The following INVS variants were observed in gnomAD, a reference collection of about 807,000 sequenced individuals.
INVS encodes the protein inversin.
INVS carries 86 observed loss-of-function variants against 108.8 expected under a neutral mutation model. The observed-to-expected ratio is 0.79, with a 90% CI of 0.66 to 0.95. The LOEUF (loss-of-function observed/expected upper bound fraction) is 0.95, where lower values mean the gene tolerates loss of function less well. Among genes scored for constraint, INVS ranks in the 40% least tolerant of loss-of-function variants. The probability of loss-of-function intolerance (pLI) is 0.00; values close to 1 mark genes in which losing one functional copy is unlikely to be tolerated. For missense variants in INVS, 1,169 were observed against 1,297.4 expected, an observed-to-expected ratio of 0.90 and a Z score of 1.52; for synonymous variants, 455 against 473.5, an observed-to-expected ratio of 0.96 and a Z score of 0.51.
chr9:100,136,913 G>A (rs537366566), intron 3 of INVS, among the ~76,000 whole-genome samples: 14 of 152,182 alleles, frequency 9.2e-5, no homozygotes, highest in African/African-American at 2.4e-4. Context: ...AGTGACACAC[G>A]CCTGTAATCC....
chr9:100,118,225 T>C (rs189846225), intron 2 of INVS, among the ~76,000 whole-genome samples: 57 of 151,378 alleles, frequency 3.8e-4, no homozygotes, highest in Non-Finnish European at 3.8e-4. Context: ...GTTGTTGTTG[T>C]TGAGACAGAG....
In INVS at chr9:100,246,766, G is replaced by A. The variant is rs756414683; in HGVS notation, c.1057G>A (p.Ala353Thr). ...SLKSDIDINM[A>T]DKYGGTALHA... ...AAAATCGGACATAGATATTAACATG[G>A]CTGACAAATATGGAGGTACAGGTGA... is the stretch of plus-strand genomic sequence containing the variant. Residue 353 changes from alanine (A) to threonine (T), a missense_variant, in exon 8 of 17, where the codon GCT becomes ACT. Physicochemically the swap from Ala to Thr is moderately conservative, Grantham distance 58 (BLOSUM62 0). Coordinates refer to ENST00000262457, the MANE Select transcript of INVS (RefSeq NM_014425.5). 2 of 1,614,050 alleles carry A rather than the reference G, an allele frequency of 1.2e-6. No individual in the cohort carries two copies. Among genetic ancestry groups the A allele is most frequent in the South Asian group, 2.2e-5 (2 of 91,082 alleles).
intron 10 of INVS, among the ~76,000 whole-genome samples, chr9:100,254,239 C>G (rs1282117663): frequency 6.6e-6 from 1 of 152,136 alleles, no homozygotes; most frequent in Non-Finnish European, 1.5e-5. Context: ...TGTTCATGTC[C>G]TTCGCCCACT....
chr9:100,147,694 C>T (rs1588038678), intron 3 of INVS, among the ~76,000 whole-genome samples: 1 of 151,844 alleles, frequency 6.6e-6, no homozygotes, highest in Non-Finnish European at 1.5e-5. Context: ...TGGAAGCAAC[C>T]CAAATGCCCA....
At chr9:100,148,681 G>A (rs2118974238) in intron 3 of INVS, among the ~76,000 whole-genome samples, 1 of 152,292 alleles carries the variant, frequency 6.6e-6, no homozygotes, top group East Asian at 1.9e-4. Flanking sequence ...AAAATGAAAA[G>A]ATTTTAATTA....
At chr9:100,257,647 T>A (rs1254185477) in intron 10 of INVS, among the ~76,000 whole-genome samples, 1 of 152,242 alleles carries the variant, frequency 6.6e-6, no homozygotes, top group Non-Finnish European at 1.5e-5. Context: ...TAAAGGATTT[T>A]ATTTCTCCTT....
intron 3 of INVS, chr9:100,175,161 C>G: frequency 2.5e-6 from 1 of 401,754 alleles, no homozygotes; most frequent in South Asian, 2.7e-5. Flanking sequence ...TTTTTCCTCC[C>G]CTTTTTCAAT....
At chr9:100,100,982 T>A (rs1412962220) in intron 1 of INVS, among the ~76,000 whole-genome samples, 1 of 76,182 alleles carries the variant, frequency 1.3e-5, no homozygotes, top group Non-Finnish European at 2.2e-5. Flanking sequence ...ATTATATATA[T>A]AATATATATG....
At chr9:100,140,716 A>G (rs1421610905) in intron 3 of INVS, among the ~76,000 whole-genome samples, 2 of 152,092 alleles carry the variant, frequency 1.3e-5, no homozygotes, top group African/African-American at 4.8e-5. Flanking sequence ...CTTCGAGCGG[A>G]ATTAGGGGCG....
At chr9:100,190,356 A>T (rs1430526216) in intron 3 of INVS, among the ~76,000 whole-genome samples, 1 of 152,074 alleles carries the variant, frequency 6.6e-6, no homozygotes, top group African/African-American at 2.4e-5. Context: ...GATATAGACC[A>T]TTTACATTTA....
At chr9:100,266,479 G>A (rs1185525647) in intron 11 of INVS, among the ~76,000 whole-genome samples, 1 of 152,110 alleles carries the variant, frequency 6.6e-6, no homozygotes, top group Non-Finnish European at 1.5e-5. Flanking sequence ...TCCCAACTTT[G>A]CTATGGCATT....
At chr9:100,144,310 GA>G (rs1828533483) in intron 3 of INVS, among the ~76,000 whole-genome samples, 3 of 152,158 alleles carry the variant, frequency 2.0e-5, no homozygotes. Context: ...CCTTGAAGGC[GA>G]GGTTAATTAA....
intron 4 of INVS, 28 bp downstream of exon 4, chr9:100,226,263 A>G (rs372662270): frequency 1.3e-6 from 2 of 1,598,640 alleles, no homozygotes; most frequent in African/African-American, 1.3e-5. Context: ...TCAAAGACTA[A>G]TAAGACCAGA....
intron 2 of INVS, among the ~76,000 whole-genome samples, chr9:100,124,145 T>G (rs531835521): frequency 6.6e-6 from 1 of 151,550 alleles, no homozygotes; most frequent in African/African-American, 2.4e-5. Context: ...TTGTATAGTT[T>G]GTTTTCATTG....
intron 3 of INVS, among the ~76,000 whole-genome samples, chr9:100,200,886 A>C (rs907911176): frequency 1.3e-5 from 2 of 152,200 alleles, no homozygotes; most frequent in African/African-American, 4.8e-5. Context: ...GAAGTAGCCT[A>C]CCAATCTTCC....
intron 3 of INVS, among the ~76,000 whole-genome samples, chr9:100,196,342 G>A (rs1399118683): frequency 6.6e-6 from 1 of 152,100 alleles, no homozygotes; most frequent in Admixed American, 6.6e-5. Flanking sequence ...GATAGCTGTT[G>A]GCATTTTTCG....
chr9:100,293,304 A>G lies in INVS; in HGVS notation c.2786+261A>G, dbSNP rs776935110. Among the ~76,000 whole-genome samples the G allele has an allele frequency of 5.4e-4, 82 of 152,334 alleles. 1 individual carries two copies. The Middle Eastern group carries it at 0.01, about 19-fold the overall frequency. On this transcript the variant is annotated intron_variant, in intron 14 of 16. Coordinates refer to ENST00000262457, the MANE Select transcript of INVS (RefSeq NM_014425.5). ...AGGAAAAAGCCCTGGGTTTGTAACC[A>G]TGAAATGTGAGGTTCAGGTAAGCTC...
At chr9:100,167,360 A>G (rs1829395114) in intron 3 of INVS, among the ~76,000 whole-genome samples, 1 of 152,070 alleles carries the variant, frequency 6.6e-6, no homozygotes. Flanking sequence ...TTTCCTCCAC[A>G]TACACCACTC....
intron 3 of INVS, among the ~76,000 whole-genome samples, chr9:100,222,407 A>G (rs1265133108): frequency 6.6e-6 from 1 of 152,216 alleles, no homozygotes; most frequent in African/African-American, 2.4e-5. Flanking sequence ...CTTCTGTGAG[A>G]AACAAAGATG....
Sources: allele counts gnomAD v4.1 joint callset (sites outside exome capture counted in the v4.1 genomes callset), GRCh38; gene constraint gnomAD v4.1.1; transcripts MANE v1.5; gene names NCBI Gene and HGNC (gene_info 2026-07-23, HGNC 2026-07-21).